ADCY8: variants seen among roughly 807,000 people sequenced by gnomAD.
The protein encoded by ADCY8 is adenylate cyclase type 8.
A neutral mutation model predicts 119.7 loss-of-function variants in ADCY8; 51 were observed. The observed-to-expected ratio is 0.43, with a 90% CI of 0.34 to 0.54. The LOEUF is 0.54. ADCY8 is among the 20% of genes least tolerant of loss of function. The probability of loss-of-function intolerance (pLI) is 0.03; values close to 1 mark genes in which losing one functional copy is unlikely to be tolerated. For missense variants in ADCY8, 1,383 were observed against 1,598.8 expected, an observed-to-expected ratio of 0.87 and a Z score of 2.30; for synonymous variants, 665 against 651.0, an observed-to-expected ratio of 1.02 and a Z score of -0.33.
intron 2 of ADCY8, among the ~76,000 whole-genome samples, chr8:130,988,921 G>T (rs890515325): frequency 1.3e-5 from 2 of 152,152 alleles, no homozygotes. Flanking sequence ...CTCTTGTTGT[G>T]ACAAAGCATT....
intron 1 of ADCY8, among the ~76,000 whole-genome samples, chr8:131,018,781 G>C (rs1231604142): frequency 3.3e-5 from 5 of 152,166 alleles, no homozygotes; most frequent in Non-Finnish European, 7.3e-5. Context: ...CAGGTACTCT[G>C]TCTCCACAGC....
chr8:130,838,240 G>A (rs58719224), intron 11 of ADCY8, among the ~76,000 whole-genome samples: 6,730 of 152,270 alleles, frequency 0.044, 477 homozygotes, highest in African/African-American at 0.15. Flanking sequence ...TGTGGTACAT[G>A]GGGTGGACTC....
intron 1 of ADCY8, among the ~76,000 whole-genome samples, chr8:131,019,957 C>T (rs1294961801): frequency 6.6e-6 from 1 of 151,804 alleles, no homozygotes; most frequent in South Asian, 2.1e-4. Context: ...GCAGAGGAAG[C>T]GTCCCTGAGA....
rs191227288 is a variant in ADCY8, at chr8:130,987,426, C to T, written c.1110+2967G>A. Among the ~76,000 whole-genome samples the T allele has an allele frequency of 9.2e-5, 14 of 152,158 alleles. No individual in the cohort carries two copies. The East Asian group carries it at 2.5e-3, about 27-fold the overall frequency. On this transcript the variant is annotated intron_variant, in intron 2 of 17. Coordinates refer to ENST00000286355, the MANE Select transcript of ADCY8 (RefSeq NM_001115.3). ...CCATTGCTCAGCAGAGCTCCTGACA[C>T]ATAATAAACCCTCCATAAAGAAATT...
chr8:130,985,149 G>T (rs1011701839), intron 2 of ADCY8, among the ~76,000 whole-genome samples: 1 of 152,218 alleles, frequency 6.6e-6, no homozygotes, highest in East Asian at 1.9e-4. Flanking sequence ...AAAGGGGGTT[G>T]GGGGGTGACT....
intron 8 of ADCY8, among the ~76,000 whole-genome samples, chr8:130,868,691 A>C (rs1818216702): frequency 6.6e-6 from 1 of 152,194 alleles, no homozygotes; most frequent in African/African-American, 2.4e-5. Flanking sequence ...AAGGTGGGAA[A>C]GTTTTTAAAA....
intron 14 of ADCY8, among the ~76,000 whole-genome samples, chr8:130,807,130 C>T (rs535012042): frequency 1.3e-5 from 2 of 152,300 alleles, no homozygotes; most frequent in African/African-American, 2.4e-5. Flanking sequence ...CATGTGCATG[C>T]GCTCCGTCGC....
chr8:130,993,328 T>C (rs1441289064), intron 1 of ADCY8, among the ~76,000 whole-genome samples: 2 of 152,202 alleles, frequency 1.3e-5, no homozygotes, highest in African/African-American at 4.8e-5. Context: ...GATAAAAGTC[T>C]ATGTAATTAT....
intron 1 of ADCY8, among the ~76,000 whole-genome samples, chr8:131,010,518 G>T (rs1823266234): frequency 6.6e-6 from 1 of 151,724 alleles, no homozygotes; most frequent in Non-Finnish European, 1.5e-5. Context: ...GAGAGAAAGA[G>T]AAAGAGAGAA....
chr8:130,982,156 C>T (rs767035840), intron 2 of ADCY8, among the ~76,000 whole-genome samples: 4 of 152,186 alleles, frequency 2.6e-5, no homozygotes, highest in Admixed American at 6.5e-5. Context: ...CTACCCACAT[C>T]GGGTAAACAC....
chr8:131,019,799 C>CTG (rs1823596258), intron 1 of ADCY8, among the ~76,000 whole-genome samples: 1 of 39,090 alleles, frequency 2.6e-5, no homozygotes, highest in African/African-American at 1.3e-4. Flanking sequence ...GGAACAAATT[C>CTG]TCTCTCTCTC....
At chr8:130,799,044 C>A (rs1359208930) in intron 15 of ADCY8, among the ~76,000 whole-genome samples, 1 of 151,988 alleles carries the variant, frequency 6.6e-6, no homozygotes, top group East Asian at 1.9e-4. Context: ...CACAGAAAAA[C>A]AAGTACATAT....
At chr8:130,904,846 G>A (rs1819728757) in intron 6 of ADCY8, among the ~76,000 whole-genome samples, 1 of 152,150 alleles carries the variant, frequency 6.6e-6, no homozygotes, top group Non-Finnish European at 1.5e-5. Flanking sequence ...TTCTTCTGGG[G>A]AAGAGTTTTT....
chr8:130,818,363 A>G (rs1198949908), intron 13 of ADCY8, among the ~76,000 whole-genome samples: 1 of 152,158 alleles, frequency 6.6e-6, no homozygotes. Context: ...CTAAAACCGA[A>G]GAGTCCCAGG....
In ADCY8 at chr8:130,884,666, C is replaced by A; in HGVS notation, c.2007G>T (p.Lys669Asn). The change falls in exon 8 of 18, where the codon AAG becomes AAT. Residue 669 changes from lysine to asparagine, a missense_variant. By Grantham distance (94) the Lys-to-Asn change is moderately conservative (BLOSUM62 0). Coordinates refer to ENST00000286355, the MANE Select transcript of ADCY8 (RefSeq NM_001115.3). ...GCAAGTCGATGGTATGTTCTATTCT[C>A]TTGTTAATTTCCTCAGGCCCAGACT... is the stretch of plus-strand genomic sequence containing the variant. ...HVQSGPEEIN[K>N]RIEHTIDLRS... 2 of 1,613,874 alleles carry A rather than the reference C, an allele frequency of 1.2e-6. No homozygotes were observed. The highest frequency in any genetic ancestry group is 1.7e-6 in the Non-Finnish European group (2 of 1,179,848).
rs1454343273 is a variant in ADCY8, at chr8:130,787,761, GT to G, written c.3061-2287del. ...ATGTGTGTGTTGTTTTCATGCCTGTGTCCACATGTATGTGTGCCTGTGTGTG... is the reference window on the plus strand; with the variant it reads ...ATGTGTGTGTTGTTTTCATGCCTGTGCCACATGTATGTGTGCCTGTGTGTG... On this transcript the variant is annotated intron_variant, in intron 15 of 17. Transcript: ENST00000286355. 7.1e-3 allele frequency among the ~76,000 whole-genome samples: 1,071 copies of G among 151,868 alleles called. 12 individuals are homozygous for G. Among genetic ancestry groups the G allele is most frequent in the African/African-American group, 0.025 (1,019 of 41,356 alleles).
At chr8:130,976,459 C>T (rs544341871) in intron 2 of ADCY8, among the ~76,000 whole-genome samples, 8 of 152,264 alleles carry the variant, frequency 5.3e-5, no homozygotes, top group South Asian at 4.1e-4. Context: ...TATTAATATG[C>T]GACAGTTTCC....
chr8:130,792,261 G>A (rs537807031), intron 15 of ADCY8, among the ~76,000 whole-genome samples: 7 of 152,298 alleles, frequency 4.6e-5, no homozygotes, highest in Non-Finnish European at 1.0e-4. Flanking sequence ...AGTCTCTGTG[G>A]TTAATTCCTT....
At chr8:130,819,912 A>T (rs543534461) in intron 13 of ADCY8, among the ~76,000 whole-genome samples, 16 of 152,242 alleles carry the variant, frequency 1.1e-4, no homozygotes, top group Non-Finnish European at 2.1e-4. Flanking sequence ...GTTCGTATGC[A>T]GACAGCATCT....
Sources: allele counts gnomAD v4.1 joint callset (sites outside exome capture counted in the v4.1 genomes callset), GRCh38; gene constraint gnomAD v4.1.1; transcripts MANE v1.5; gene names NCBI Gene and HGNC (gene_info 2026-07-23, HGNC 2026-07-21).